Variants in CTBP1 observed in about 807,000 individuals in gnomAD.
The protein encoded by CTBP1 is C-terminal-binding protein 1.
CTBP1 carries 11 observed loss-of-function variants against 42.1 expected under a neutral mutation model. The ratio of observed to expected loss-of-function variants is 0.26; its 90% CI spans 0.16 to 0.43. CTBP1 has a LOEUF of 0.43. CTBP1 is among the 20% of genes least tolerant of loss of function. CTBP1 has a pLI of 1.00. For missense variants in CTBP1, 399 were observed against 624.3 expected (o/e 0.64, Z 3.85); for synonymous variants, 324 against 277.1 (o/e 1.17, Z -1.68).
chr4:1,249,890 C>T (rs936540176), upstream of CTBP1: 1 of 186,040 alleles, frequency 5.4e-6, no homozygotes, highest in Admixed American at 6.4e-5. Context: ...AAAGCCCTGC[C>T]TGCTACCGGT....
At chr4:1,246,721 TG>T (rs1560289643) in intron 1 of CTBP1, among the ~76,000 whole-genome samples, 1 of 152,180 alleles carries the variant, frequency 6.6e-6, no homozygotes, top group Non-Finnish European at 1.5e-5. Flanking sequence ...ACTGCCAGGC[TG>T]GTGGGGAACC....
At chr4:1,216,539 T>A (rs1326082732) in intron 5 of CTBP1, 2 of 461,302 alleles carry the variant, frequency 4.3e-6, no homozygotes, top group Non-Finnish European at 7.8e-6. Context: ...GGTCAGTGGG[T>A]CTCCACCCAC....
At chr4:1,248,790 C>T (rs1292656336) in intron 1 of CTBP1, 126 bp downstream of exon 1, 1 of 949,554 alleles carries the variant, frequency 1.1e-6, no homozygotes, top group Non-Finnish European at 1.2e-6. Context: ...CGCGCACGCG[C>T]ACTCGCACAC....
At chr4:1,218,734 G>T (rs936298680) in intron 5 of CTBP1, 2 of 152,242 alleles carry the variant, frequency 1.3e-5, no homozygotes, top group African/African-American at 4.8e-5. Context: ...ATGCTGGGTG[G>T]CAGTGAGTTA....
At chr4:1,231,720 G>A (rs947712481) in intron 3 of CTBP1, among the ~76,000 whole-genome samples, 6 of 152,252 alleles carry the variant, frequency 3.9e-5, no homozygotes, top group Non-Finnish European at 8.8e-5. Context: ...GTTTCTCTAC[G>A]ACACGCAGCC....
chr4:1,248,834 G>A, intron 1 of CTBP1, 82 bp downstream of exon 1: 3 of 892,208 alleles, frequency 3.4e-6, no homozygotes, highest in East Asian at 2.5e-4. Context: ...CGCTCGGTCC[G>A]CCCCCGCGCC....
intron 9 of CTBP1, chr4:1,212,657 A>G: frequency 1.6e-6 from 1 of 608,862 alleles, no homozygotes; most frequent in Non-Finnish European, 2.9e-6. Flanking sequence ...CCTCACCCAA[A>G]GCCCCCTCCT....
intron 8 of CTBP1, 38 bp from the exon 9 acceptor site, chr4:1,213,068 A>AGGGG (rs1251596709): frequency 6.3e-7 from 1 of 1,585,348 alleles, no homozygotes; most frequent in Non-Finnish European, 8.6e-7. Context: ...TGTGGCTCTG[A>AGGGG]GGGGGCCCCA....
chr4:1,245,701 G>A, intron 1 of CTBP1: 3 of 983,030 alleles, frequency 3.1e-6, no homozygotes, highest in Non-Finnish European at 3.6e-6. Context: ...GGTGGCACGG[G>A]CGGGCAGGAT....
intron 6 of CTBP1, 27 bp from the exon 7 acceptor site, chr4:1,214,500 C>A: frequency 1.3e-6 from 2 of 1,551,328 alleles, no homozygotes; most frequent in Admixed American, 2.1e-5. Flanking sequence ...CAGGCCAGGC[C>A]CAGTCAGGGA....
intron 3 of CTBP1, 183 bp downstream of exon 3, chr4:1,238,000 C>T (rs979699247): frequency 1.2e-6 from 1 of 804,714 alleles, no homozygotes; most frequent in Non-Finnish European, 2.1e-6. Flanking sequence ...CGATGTCCAC[C>T]TCCTGATGGT....
chr4:1,221,822 A>G (rs1487501286), intron 5 of CTBP1: 1 of 447,902 alleles, frequency 2.2e-6, no homozygotes. Context: ...AATGTGTACA[A>G]TGTTTTCCTG....
At chr4:1,213,869 G>C in intron 7 of CTBP1, 1 of 492,782 alleles carries the variant, frequency 2.0e-6, no homozygotes, top group Non-Finnish European at 3.6e-6. Flanking sequence ...CTGATGGGGG[G>C]ACATGCTGCC....
intron 4 of CTBP1, among the ~76,000 whole-genome samples, chr4:1,226,012 CAT>C (rs1376713441): frequency 1.3e-5 from 2 of 152,078 alleles, no homozygotes; most frequent in Non-Finnish European, 2.9e-5. Flanking sequence ...GACATCCGCA[CAT>C]GTCCTCAGGC....
rs1342213623 is a variant in CTBP1 at position 1,238,584 on chromosome 4, ACCTCCGAGACCCTCCAAGTCC to A, written c.8-268_8-248del. On this transcript the variant is annotated intron_variant, in intron 2 of 9. Transcript: ENST00000382952. The surrounding 1 kb of genome is among the most constrained non-coding windows in gnomAD (Gnocchi z 5.9). ...CACTACCATCTCCCTTGGGCACAGG[ACCTCCGAGACCCTCCAAGTCC>A]CCTCCGAGACCCTCCAAGGCCCCTC... is the stretch of plus-strand genomic sequence containing the variant. Among the ~76,000 whole-genome samples, 38 of 151,632 alleles carry A rather than the reference ACCTCCGAGACCCTCCAAGTCC, an allele frequency of 2.5e-4. No individual in the cohort carries two copies. Among genetic ancestry groups the A allele is most frequent in the African/African-American group, 6.3e-4 (26 of 41,226 alleles).
rs1181698563 is a variant in CTBP1 at position 1,225,429 on chromosome 4, C to T, written c.445G>A (p.Glu149Lys). The change falls in exon 5 of 10, where the codon GAG (glutamate) becomes AAG (lysine). Residue 149 changes from glutamate (E) to lysine (K), a missense_variant. Glu to Lys is a moderately conservative substitution (Grantham distance 56, BLOSUM62 1). Coordinates refer to ENST00000382952, the MANE Select transcript of CTBP1 (RefSeq NM_001012614.2). ...LREGTRVQSV[E>K]QIREVASGAA... Reference sequence around the variant, plus strand: ...CCGGACGCCACCTCGCGGATCTGCTCGACGCTCTGGACTCGTGTGCCCTCC... The same window carrying T: ...CCGGACGCCACCTCGCGGATCTGCTTGACGCTCTGGACTCGTGTGCCCTCC... 1.3e-6 allele frequency: 2 copies of T among 1,555,696 alleles called. No homozygotes were observed. Among genetic ancestry groups the T allele is most frequent in the South Asian group, 1.2e-5 (1 of 84,760 alleles).
intron 1 of CTBP1, chr4:1,243,495 T>G (rs1345659556): frequency 1.7e-5 from 17 of 985,234 alleles, no homozygotes; most frequent in Non-Finnish European, 1.9e-5. Flanking sequence ...CACCTGGTTC[T>G]CCTCCAGGGA....
chr4:1,249,782 C>A, upstream of CTBP1: 1 of 288,860 alleles, frequency 3.5e-6, no homozygotes, highest in Non-Finnish European at 7.2e-6. Flanking sequence ...GCTGGAGAAC[C>A]CCTTCCCCGA....
rs1236689067 is a variant in CTBP1, at chr4:1,226,204, G to A, written c.308-638C>T. 2.6e-5 allele frequency among the ~76,000 whole-genome samples: 4 copies of A among 152,148 alleles called. No homozygotes were observed. The East Asian group carries it at 5.8e-4, about 22-fold the overall frequency. ...GCTCCCGGCCTTGTCCCCAGAGACA[G>A]GCCCTTCCCCAGCCAGTGCCCCTCC... On this transcript the variant is annotated intron_variant, in intron 4 of 9. Coordinates refer to ENST00000382952, the MANE Select transcript of CTBP1 (RefSeq NM_001012614.2).
Sources: allele counts gnomAD v4.1 joint callset (sites outside exome capture counted in the v4.1 genomes callset), GRCh38; gene constraint gnomAD v4.1.1; non-coding constraint Gnocchi (gnomAD v3.1); transcripts MANE v1.5; gene names NCBI Gene and HGNC (gene_info 2026-07-23, HGNC 2026-07-21).